Variants in MTUS2 observed in about 807,000 individuals in gnomAD.
MTUS2 encodes the protein microtubule-associated tumor suppressor candidate 2.
In MTUS2, 40 loss-of-function variants were observed where a neutral mutation model predicts 114.1. The observed-to-expected ratio is 0.35, with a 90% CI of 0.27 to 0.46. The LOEUF is 0.46. Among genes scored for constraint, MTUS2 ranks in the 20% least tolerant of loss-of-function variants. MTUS2 has a pLI of 1.00. For missense variants in MTUS2, 1,679 were observed against 1,705.4 expected (o/e 0.98, Z 0.27); for synonymous variants, 688 against 672.0 (o/e 1.02, Z -0.37).
intron 6 of MTUS2, among the ~76,000 whole-genome samples, chr13:29,322,112 A>G (rs1360623904): frequency 2.0e-5 from 3 of 152,216 alleles, no homozygotes; most frequent in Non-Finnish European, 2.9e-5. Flanking sequence ...AACTATCAAT[A>G]TTTGCATTTT....
chr13:29,151,512 T>C (rs1042448250), intron 5 of MTUS2, among the ~76,000 whole-genome samples: 3 of 152,330 alleles, frequency 2.0e-5, no homozygotes, highest in African/African-American at 7.2e-5. Context: ...TCTCTTCCTG[T>C]TTGGATGCCT....
intron 2 of MTUS2, among the ~76,000 whole-genome samples, chr13:28,874,515 G>T (rs1188845670): frequency 6.6e-6 from 1 of 152,104 alleles, no homozygotes; most frequent in Non-Finnish European, 1.5e-5. Context: ...TATAGGTGTG[G>T]CTAGGCTGGA....
At chr13:29,041,926 C>T (rs1034071619) in intron 4 of MTUS2, among the ~76,000 whole-genome samples, 27 of 152,262 alleles carry the variant, frequency 1.8e-4, no homozygotes, top group African/African-American at 6.5e-4. Flanking sequence ...GACAGTTTGA[C>T]TTCGTCTTTA....
chr13:29,093,334 T>C (rs1049355738), intron 4 of MTUS2, among the ~76,000 whole-genome samples: 7 of 152,050 alleles, frequency 4.6e-5, no homozygotes, highest in African/African-American at 1.7e-4. Flanking sequence ...TCCCAGCTAT[T>C]CGAGAGGCTG....
chr13:29,351,694 C>T (rs951444422), intron 7 of MTUS2, among the ~76,000 whole-genome samples: 2 of 151,974 alleles, frequency 1.3e-5, no homozygotes, highest in African/African-American at 2.4e-5. Flanking sequence ...CCTTGACCTC[C>T]AAGGCTCGAG....
chr13:29,134,574 T>C (rs929735527), intron 5 of MTUS2, among the ~76,000 whole-genome samples: 2 of 152,190 alleles, frequency 1.3e-5, no homozygotes, highest in South Asian at 2.1e-4. Flanking sequence ...ATAATTGTTA[T>C]ATATATCTTC....
chr13:29,312,360 G>T (rs564483028), intron 6 of MTUS2, among the ~76,000 whole-genome samples: 1 of 152,306 alleles, frequency 6.6e-6, no homozygotes, highest in African/African-American at 2.4e-5. Context: ...ATAAATGAAT[G>T]AATAAAGGAA....
At chr13:28,911,743 C>A (rs761341931) in intron 2 of MTUS2, among the ~76,000 whole-genome samples, 9 of 150,982 alleles carry the variant, frequency 6.0e-5, no homozygotes, top group Non-Finnish European at 1.2e-4. Flanking sequence ...ATTTGTATTT[C>A]GTGATGATCG....
At chr13:29,278,817 AT>A (rs1322472520) in intron 5 of MTUS2, among the ~76,000 whole-genome samples, 3 of 152,152 alleles carry the variant, frequency 2.0e-5, no homozygotes, top group African/African-American at 4.8e-5. Context: ...TTTATCATAT[AT>A]TTTTAAGACA....
At chr13:29,056,693 G>A (rs970485212) in intron 4 of MTUS2, among the ~76,000 whole-genome samples, 7 of 151,744 alleles carry the variant, frequency 4.6e-5, no homozygotes, top group Non-Finnish European at 1.0e-4. Context: ...TATTTGCATC[G>A]TCTCTCTTTT....
chr13:29,233,427 G>A lies in MTUS2; in HGVS notation c.2645-48277G>A, dbSNP rs74938259. On this transcript the variant is annotated intron_variant, in intron 5 of 15. Transcript: ENST00000612955. The stretch of plus-strand genomic sequence containing the variant: ...AGTGTACCCACCGTGAAGTCTACCC[G>A]GAAGTATAACAGTAAAACTATCGTC... Among the ~76,000 whole-genome samples the A allele has an allele frequency of 2.6e-3, 392 of 152,190 alleles. 1 individual carries two copies. Among genetic ancestry groups the A allele is most frequent in the Non-Finnish European group, 4.3e-3 (293 of 68,010 alleles).
chr13:28,864,206 C>T (rs991491124), intron 2 of MTUS2, among the ~76,000 whole-genome samples: 1 of 152,182 alleles, frequency 6.6e-6, no homozygotes, highest in Non-Finnish European at 1.5e-5. Context: ...CATTAGCAAA[C>T]ACAGGATGCT....
intron 6 of MTUS2, among the ~76,000 whole-genome samples, chr13:29,300,913 T>C (rs1295734280): frequency 2.6e-5 from 4 of 152,206 alleles, no homozygotes; most frequent in Admixed American, 2.6e-4. Flanking sequence ...TTCACAGTTC[T>C]GGAGGCTGGA....
chr13:29,147,507 AG>A (rs1339665347), intron 5 of MTUS2, among the ~76,000 whole-genome samples: 1 of 152,098 alleles, frequency 6.6e-6, no homozygotes, highest in East Asian at 1.9e-4. Flanking sequence ...TGTGATGCTG[AG>A]GATTGGGGTT....
intron 3 of MTUS2, among the ~76,000 whole-genome samples, chr13:29,028,643 C>T (rs1886675010): frequency 6.6e-6 from 1 of 151,902 alleles, no homozygotes; most frequent in African/African-American, 2.4e-5. Flanking sequence ...GAAGGCCACC[C>T]ATCTTCTCTC....
At position 29,025,762 on chromosome 13, in the gene MTUS2, A is replaced by C; in HGVS notation, c.1064A>C (p.Glu355Ala). 6.2e-7 allele frequency: 1 copy of C among 1,613,978 alleles called. No homozygotes were observed. The highest frequency in any genetic ancestry group is 1.1e-5 in the South Asian group (1 of 91,084). ...GATCCATGTGGGGAAGCACACCCGG[A>C]AGCCACCGATGCACTTGGCCATCTG... ...GRDPCGEAHP[E>A]ATDALGHLLN... is the part of the protein sequence containing the mutation. Residue 355 changes from glutamate (E) to alanine (A), a missense_variant, in exon 3 of 16, where the codon GAA (glutamate) becomes GCA (alanine). Transcript: ENST00000612955.
rs537839986 is a variant in MTUS2 at position 29,175,332 on chromosome 13, A to G, written c.2644+74362A>G. 3.7e-4 allele frequency among the ~76,000 whole-genome samples: 57 copies of G among 152,322 alleles called. No individual in the cohort carries two copies. The South Asian group carries it at 9.7e-3, about 26-fold the overall frequency. On this transcript the variant is annotated intron_variant, in intron 5 of 15. Transcript: ENST00000612955. ...TTATAAAGGAATGGGATTTCATTCT[A>G]TTTACTCCCAGGGGAAGGAGATTTG... is the stretch of plus-strand genomic sequence containing the variant.
intron 8 of MTUS2, among the ~76,000 whole-genome samples, chr13:29,391,578 A>T (rs1044771234): frequency 6.6e-6 from 1 of 151,776 alleles, no homozygotes; most frequent in Non-Finnish European, 1.5e-5. Flanking sequence ...CTCTTGAGAG[A>T]TTTAGGGAAT....
At chr13:29,093,818 CT>C (rs1392509079) in intron 4 of MTUS2, among the ~76,000 whole-genome samples, 13 of 152,128 alleles carry the variant, frequency 8.5e-5, no homozygotes, top group Non-Finnish European at 1.9e-4. Flanking sequence ...AGCAGACAAC[CT>C]TTTCTTGTTT....
Sources: allele counts gnomAD v4.1 joint callset (sites outside exome capture counted in the v4.1 genomes callset), GRCh38; gene constraint gnomAD v4.1.1; transcripts MANE v1.5; gene names NCBI Gene and HGNC (gene_info 2026-07-23, HGNC 2026-07-21).